The following GHR variants were observed in gnomAD, a reference collection of about 807,000 sequenced individuals.
GHR encodes the protein GH receptor.
A neutral mutation model predicts 67.1 loss-of-function variants in GHR; 35 were observed. That is an observed-to-expected ratio of 0.52 (90% CI 0.40 to 0.69). The LOEUF is 0.69. GHR is among the 30% of genes least tolerant of loss of function. GHR has a pLI of 0.00. For missense variants in GHR, 792 were observed against 764.6 expected (o/e 1.04, Z -0.42); for synonymous variants, 272 against 269.1 (o/e 1.01, Z -0.10).
chr5:42,663,050 G>A (rs1018331378), intron 3 of GHR, among the ~76,000 whole-genome samples: 9 of 152,122 alleles, frequency 5.9e-5, no homozygotes, highest in Admixed American at 4.6e-4. Context: ...ACCAGGAAGA[G>A]TTGAATCTCT....
chr5:42,529,999 C>CT (rs376534691), intron 1 of GHR, among the ~76,000 whole-genome samples: 1,635 of 57,620 alleles, frequency 0.028, 20 homozygotes, highest in Non-Finnish European at 0.036. Flanking sequence ...TGAATCACTT[C>CT]TTTTTTTTTT....
chr5:42,563,533 GC>G (rs1327252228), intron 1 of GHR, among the ~76,000 whole-genome samples: 1 of 149,832 alleles, frequency 6.7e-6, no homozygotes, highest in Non-Finnish European at 1.5e-5. Flanking sequence ...CAGGAGAATG[GC>G]GTGAACCCGG....
At position 42,504,722 on chromosome 5, in the gene GHR, G is replaced by A. The variant is rs1434198461; in HGVS notation, c.-11-61142G>A. Reference sequence around the variant, plus strand: ...TGCAGTGAGCCGAGATCGCACCACTGCACTCCAGCCTGAGAACGGAGCGAG... The same window carrying A: ...TGCAGTGAGCCGAGATCGCACCACTACACTCCAGCCTGAGAACGGAGCGAG... On this transcript the variant is annotated intron_variant, in intron 1 of 9. Coordinates refer to ENST00000230882, the MANE Select transcript of GHR (RefSeq NM_000163.5). Among the ~76,000 whole-genome samples, 6 of 152,084 alleles carry A rather than the reference G, an allele frequency of 3.9e-5. 1 individual carries two copies. Among genetic ancestry groups the A allele is most frequent in the Admixed American group, 1.3e-4 (2 of 15,282 alleles).
chr5:42,517,866 T>C (rs2112288955), intron 1 of GHR, among the ~76,000 whole-genome samples: 1 of 152,194 alleles, frequency 6.6e-6, no homozygotes, highest in Middle Eastern at 3.4e-3. Context: ...TTTCTCTTGA[T>C]GCTGTGCCCT....
chr5:42,678,124 C>A (rs1256263250), intron 3 of GHR, among the ~76,000 whole-genome samples: 1 of 152,122 alleles, frequency 6.6e-6, no homozygotes, highest in Admixed American at 6.6e-5. Flanking sequence ...TTATTATCCC[C>A]ATTTTACAGG....
chr5:42,706,818 G>T (rs368850101), intron 6 of GHR, among the ~76,000 whole-genome samples: 7 of 152,168 alleles, frequency 4.6e-5, no homozygotes, highest in African/African-American at 1.4e-4. Context: ...GTCAGGTAAT[G>T]TGATGCCCCT....
chr5:42,473,479 G>A (rs1202220927), intron 1 of GHR, among the ~76,000 whole-genome samples: 2 of 152,132 alleles, frequency 1.3e-5, no homozygotes, highest in Non-Finnish European at 2.9e-5. Context: ...AGCCTAACTC[G>A]GTGAATTCAT....
chr5:42,713,503 T>C lies in GHR; in HGVS notation c.859T>C (p.Phe287Leu). The C allele has an allele frequency of 2.1e-6, 3 of 1,412,100 alleles. No homozygotes were observed. Among genetic ancestry groups the C allele is most frequent in the Non-Finnish European group, 3.0e-6 (3 of 1,000,698 alleles). The allele number at this position is 1,412,100 out of a possible 1,614,324, so 87.5% of individuals were successfully genotyped here. A position where few individuals can be genotyped will look rare whatever the true frequency, so the allele number is the denominator to read the frequency against. ...GLTVMLFVFL[F>L]SKQQRIKMLI... ...AACAGTGATGCTATTTGTATTCTTATTTTCTAAACAGCAAAGGTAGGTGTG... is the reference window on the plus strand; with the variant it reads ...AACAGTGATGCTATTTGTATTCTTACTTTCTAAACAGCAAAGGTAGGTGTG... The change falls in exon 8 of 10, where the codon TTT becomes CTT. Residue 287 changes from phenylalanine to leucine, a missense_variant. Phe to Leu is a conservative substitution (Grantham distance 22). Transcript: ENST00000230882.
At chr5:42,561,885 C>T (rs1037204414) in intron 1 of GHR, among the ~76,000 whole-genome samples, 3 of 152,124 alleles carry the variant, frequency 2.0e-5, no homozygotes, top group East Asian at 1.9e-4. Flanking sequence ...TAGATTCCTC[C>T]GAACAATGCC....
intron 1 of GHR, among the ~76,000 whole-genome samples, chr5:42,484,281 G>A (rs1387472307): frequency 3.3e-5 from 5 of 152,112 alleles, no homozygotes; most frequent in Non-Finnish European, 2.9e-5. Flanking sequence ...CATGTGTGTG[G>A]TGTCTAATTC....
intron 1 of GHR, among the ~76,000 whole-genome samples, chr5:42,505,314 AT>A (rs768623680): frequency 6.6e-6 from 1 of 151,522 alleles, no homozygotes; most frequent in African/African-American, 2.4e-5. Flanking sequence ...TACTTGAGCA[AT>A]TTTTTGCGCA....
chr5:42,495,748 A>T (rs990265617), intron 1 of GHR, among the ~76,000 whole-genome samples: 1 of 152,178 alleles, frequency 6.6e-6, no homozygotes, highest in African/African-American at 2.4e-5. Flanking sequence ...CATAGTTTGC[A>T]GTGGTCTAAT....
chr5:42,488,315 C>T (rs1361729645), intron 1 of GHR, among the ~76,000 whole-genome samples: 3 of 152,036 alleles, frequency 2.0e-5, no homozygotes, highest in African/African-American at 7.3e-5. Flanking sequence ...AACTGAGGTC[C>T]AGGATATAGG....
At chr5:42,426,019 A>G (rs765242062) in intron 1 of GHR, among the ~76,000 whole-genome samples, 5 of 152,114 alleles carry the variant, frequency 3.3e-5, no homozygotes, top group African/African-American at 4.8e-5. Flanking sequence ...CTTTGGGCCC[A>G]TGTTTTTTAT....
chr5:42,546,243 A>G (rs1748725909), intron 1 of GHR, among the ~76,000 whole-genome samples: 1 of 152,214 alleles, frequency 6.6e-6, no homozygotes, highest in African/African-American at 2.4e-5. Context: ...AGGATGAACT[A>G]GAAGGATCTA....
At chr5:42,714,253 C>G (rs1389386079) in intron 8 of GHR, 1 of 152,140 alleles carries the variant, frequency 6.6e-6, no homozygotes, top group Non-Finnish European at 1.5e-5. Flanking sequence ...CTTGTTGCTT[C>G]TCCTAGAATT....
intron 5 of GHR, among the ~76,000 whole-genome samples, chr5:42,696,743 G>C (rs1757692807): frequency 6.6e-6 from 1 of 152,150 alleles, no homozygotes; most frequent in African/African-American, 2.4e-5. Context: ...GAAATTACTT[G>C]AGGATACTAA....
intron 2 of GHR, among the ~76,000 whole-genome samples, chr5:42,566,310 A>C (rs1749931222): frequency 6.6e-6 from 1 of 152,212 alleles, no homozygotes; most frequent in Non-Finnish European, 1.5e-5. Flanking sequence ...TCTGTGACTA[A>C]GGATATCTAA....
chr5:42,424,644 A>T lies in GHR; in HGVS notation c.-12+689A>T. 6.6e-7 allele frequency: 1 copy of T among 1,506,262 alleles called. No individual in the cohort carries two copies. The highest frequency in any genetic ancestry group is 1.2e-5 in the South Asian group (1 of 83,480). The allele number at this position is 1,506,262 out of a possible 1,614,324, so 93.3% of individuals were successfully genotyped here. On this transcript the variant is annotated intron_variant, in intron 1 of 9. Coordinates refer to ENST00000230882, the MANE Select transcript of GHR (RefSeq NM_000163.5). This position sits in a 1 kb window ranked among gnomAD's most constrained non-coding sequence, Gnocchi z 4.1. The stretch of plus-strand genomic sequence containing the variant: ...GCCGACCTCCCCCAGCTTTTGACAC[A>T]CTAGTGGTTGTAAAATCAACCAGGC...
Sources: gnomAD v4.1 joint callset for allele counts (sites outside exome capture counted in the v4.1 genomes callset) on GRCh38, gnomAD v4.1.1 for gene constraint, Gnocchi (gnomAD v3.1) non-coding constraint, MANE v1.5 for transcripts, NCBI Gene and HGNC (gene_info 2026-07-23, HGNC 2026-07-21) for gene names.